The following RPS6KA2 variants were observed in gnomAD, a reference collection of about 807,000 sequenced individuals.
RPS6KA2 encodes the protein ribosomal protein S6 kinase A2, also known as ribosomal protein S6 kinase alpha-2.
RPS6KA2 carries 42 observed loss-of-function variants against 91.8 expected under a neutral mutation model. The observed-to-expected ratio is 0.46, with a 90% CI of 0.36 to 0.59. The LOEUF is 0.59. RPS6KA2 is among the 20% of genes least tolerant of loss of function. RPS6KA2 has a pLI of 0.00. For missense variants in RPS6KA2, 798 were observed against 978.5 expected (o/e 0.82, Z 2.46); for synonymous variants, 414 against 393.6 (o/e 1.05, Z -0.61).
intron 3 of RPS6KA2, among the ~76,000 whole-genome samples, chr6:166,517,043 G>A (rs1393035587): frequency 3.9e-5 from 6 of 151,976 alleles, no homozygotes; most frequent in African/African-American, 1.5e-4. Flanking sequence ...TAAGTCTGGT[G>A]AAAAATTAGA....
intron 2 of RPS6KA2, among the ~76,000 whole-genome samples, chr6:166,756,799 T>C (rs1778023733): frequency 6.6e-6 from 1 of 152,166 alleles, no homozygotes; most frequent in Non-Finnish European, 1.5e-5. Context: ...TGAGCCGAGA[T>C]GGCGCCATTG....
intron 1 of RPS6KA2, among the ~76,000 whole-genome samples, chr6:166,624,805 G>T (rs1418243087): frequency 6.6e-6 from 1 of 151,978 alleles, no homozygotes; most frequent in East Asian, 1.9e-4. Flanking sequence ...GCTGGGGAAT[G>T]CATTTGTAAA....
At chr6:166,843,035 G>T (rs747794796) in intron 2 of RPS6KA2, among the ~76,000 whole-genome samples, 7 of 152,342 alleles carry the variant, frequency 4.6e-5, no homozygotes, top group Non-Finnish European at 7.3e-5. Flanking sequence ...ACTCGGTGCT[G>T]TTGGGGGCAC....
At chr6:166,845,938 A>G (rs1255698259) in intron 2 of RPS6KA2, among the ~76,000 whole-genome samples, 1 of 152,150 alleles carries the variant, frequency 6.6e-6, no homozygotes, top group Non-Finnish European at 1.5e-5. Context: ...CTTTGAAATG[A>G]TAAATAAAAT....
rs1191287323 is a variant in RPS6KA2, at chr6:166,508,768, C to G, written c.380-486G>C. On this transcript the variant is annotated intron_variant, in intron 4 of 20. Coordinates refer to ENST00000265678, the MANE Select transcript of RPS6KA2 (RefSeq NM_021135.6). This position sits in a 1 kb window ranked among gnomAD's most constrained non-coding sequence, Gnocchi z 4.3. ...CTTGCCTTCCTCTCTTGAGGCAGTTCTGGTGATAGGTCAGCCCAGTTATTT... is the reference window on the plus strand; with the variant it reads ...CTTGCCTTCCTCTCTTGAGGCAGTTGTGGTGATAGGTCAGCCCAGTTATTT... Among the ~76,000 whole-genome samples, 5 of 152,182 alleles carry G rather than the reference C, an allele frequency of 3.3e-5. No homozygotes were observed. The highest frequency in any genetic ancestry group is 6.5e-5 in the Admixed American group (1 of 15,288).
At chr6:166,714,356 G>T (rs1402036449) in intron 2 of RPS6KA2, among the ~76,000 whole-genome samples, 1 of 152,236 alleles carries the variant, frequency 6.6e-6, no homozygotes, top group East Asian at 1.9e-4. Flanking sequence ...AGAGACAGCT[G>T]TGAGATGGAG....
chr6:166,692,050 G>T (rs1344269141), intron 2 of RPS6KA2, among the ~76,000 whole-genome samples: 1 of 152,072 alleles, frequency 6.6e-6, no homozygotes, highest in East Asian at 1.9e-4. Flanking sequence ...GTCCTGTGTT[G>T]GGGGAAAGAA....
chr6:166,545,211 T>C (rs1554288708), intron 1 of RPS6KA2, among the ~76,000 whole-genome samples: 1 of 152,204 alleles, frequency 6.6e-6, no homozygotes, highest in Non-Finnish European at 1.5e-5. Flanking sequence ...TTCGATACAA[T>C]GCTCAAATGG....
At chr6:166,504,664 G>T in intron 5 of RPS6KA2, 52 bp from the exon 6 acceptor site, 1 of 1,323,256 alleles carries the variant, frequency 7.6e-7, no homozygotes, top group South Asian at 1.2e-5. Flanking sequence ...CTTGTTTTAT[G>T]GCTGGTGTGT....
At chr6:166,806,781 C>T (rs1779502425) in intron 2 of RPS6KA2, among the ~76,000 whole-genome samples, 1 of 149,750 alleles carries the variant, frequency 6.7e-6, no homozygotes, top group African/African-American at 2.5e-5. Context: ...TTGTTTTCTA[C>T]AAGAGATTAC....
At chr6:166,416,653 A>C in intron 19 of RPS6KA2, among the ~76,000 whole-genome samples, 1 of 134,840 alleles carries the variant, frequency 7.4e-6, no homozygotes, top group East Asian at 2.3e-4. Context: ...TCCCACCATT[A>C]CCTCCACCAT....
chr6:166,760,062 G>A (rs772236105), intron 2 of RPS6KA2, among the ~76,000 whole-genome samples: 1 of 152,178 alleles, frequency 6.6e-6, no homozygotes, highest in Non-Finnish European at 1.5e-5. Flanking sequence ...TTGAGGGTGT[G>A]GTGTTGGGGC....
chr6:166,715,814 G>A (rs1161904664), intron 2 of RPS6KA2, among the ~76,000 whole-genome samples: 1 of 152,112 alleles, frequency 6.6e-6, no homozygotes, highest in Non-Finnish European at 1.5e-5. Context: ...GAGGCAGGCG[G>A]ATCATCTGAG....
At chr6:166,645,971 G>C (rs1157644759) in intron 2 of RPS6KA2, among the ~76,000 whole-genome samples, 1 of 152,186 alleles carries the variant, frequency 6.6e-6, no homozygotes, top group African/African-American at 2.4e-5. Context: ...CCTGGAGTCT[G>C]CAAGTGCTCG....
intron 1 of RPS6KA2, among the ~76,000 whole-genome samples, chr6:166,619,262 T>TAGTC (rs1435978289): frequency 6.6e-6 from 1 of 152,240 alleles, no homozygotes; most frequent in Admixed American, 6.5e-5. Context: ...CAGTCAGCTA[T>TAGTC]AGTCACCACT....
chr6:166,472,655 G>A (rs1780814826), intron 10 of RPS6KA2, among the ~76,000 whole-genome samples: 1 of 152,168 alleles, frequency 6.6e-6, no homozygotes, highest in African/African-American at 2.4e-5. Flanking sequence ...GTTAAAATAG[G>A]TGACTTTGCA....
intron 2 of RPS6KA2, among the ~76,000 whole-genome samples, chr6:166,742,757 C>G (rs1205393814): frequency 1.3e-5 from 2 of 152,196 alleles, no homozygotes; most frequent in African/African-American, 4.8e-5. Flanking sequence ...TTCATTAACT[C>G]TTAGTTCCAA....
chr6:166,568,616 T>C lies in RPS6KA2; in HGVS notation c.100-29832A>G, dbSNP rs561199499. On this transcript the variant is annotated intron_variant, in intron 1 of 20. Coordinates refer to ENST00000265678, the MANE Select transcript of RPS6KA2 (RefSeq NM_021135.6). ...CCTGCACAACAAGAGCAAAACTCCA[T>C]CTCAGAAAAAAAAAAAAAAAAAAAA... 2.0e-3 allele frequency among the ~76,000 whole-genome samples: 98 copies of C among 48,034 alleles called. 3 individuals are homozygous for C. The South Asian group carries it at 0.065, about 32-fold the overall frequency. 31.5% of individuals were successfully genotyped at this position (48,034 alleles called of 152,430 possible).
intron 2 of RPS6KA2, among the ~76,000 whole-genome samples, chr6:166,677,010 G>A (rs181366724): frequency 1.6e-4 from 24 of 152,258 alleles, no homozygotes; most frequent in South Asian, 6.2e-4. Flanking sequence ...TCTCTTCAAC[G>A]GAGTTTTAGT....
Sources: gnomAD v4.1 joint callset for allele counts (sites outside exome capture counted in the v4.1 genomes callset) on GRCh38, gnomAD v4.1.1 for gene constraint, Gnocchi (gnomAD v3.1) non-coding constraint, MANE v1.5 for transcripts, NCBI Gene and HGNC (gene_info 2026-07-23, HGNC 2026-07-21) for gene names.